LSAMP: variants seen among roughly 807,000 people sequenced by gnomAD.
The protein encoded by LSAMP is limbic system-associated membrane protein.
Under a neutral mutation model 38.6 loss-of-function variants are expected in LSAMP, and 7 were observed. That is an observed-to-expected ratio of 0.18 (90% confidence interval 0.10 to 0.34). LSAMP has a LOEUF of 0.34. Among genes scored for constraint, LSAMP ranks in the 10% least tolerant of loss-of-function variants. The pLI, the probability that LSAMP is intolerant of heterozygous loss-of-function variation, is 1.00. For synonymous variants in LSAMP, 154 were observed against 166.8 expected, an observed-to-expected ratio of 0.92 and a Z score of 0.59; for missense variants, 313 against 420.0, an observed-to-expected ratio of 0.75 and a Z score of 2.23.
chr3:116,344,252 G>C (rs1465000160), intron 1 of LSAMP, among the ~76,000 whole-genome samples: 1 of 152,042 alleles, frequency 6.6e-6, no homozygotes, highest in Non-Finnish European at 1.5e-5. Flanking sequence ...CACTGGTACA[G>C]ATAAGAGGCA....
intron 1 of LSAMP, among the ~76,000 whole-genome samples, chr3:116,213,518 T>C (rs2046186724): frequency 6.6e-6 from 1 of 152,226 alleles, no homozygotes; most frequent in Non-Finnish European, 1.5e-5. Flanking sequence ...TGGGTGTGTC[T>C]TTATCAGCAG....
At chr3:115,892,161 G>T (rs1487004926) in intron 3 of LSAMP, among the ~76,000 whole-genome samples, 2 of 151,892 alleles carry the variant, frequency 1.3e-5, no homozygotes, top group Non-Finnish European at 2.9e-5. Context: ...AAGCAAAATG[G>T]TTCAAACCCT....
chr3:115,918,701 G>T, intron 3 of LSAMP, among the ~76,000 whole-genome samples: 1 of 136,994 alleles, frequency 7.3e-6, no homozygotes, highest in Non-Finnish European at 1.6e-5. Flanking sequence ...AAATCTTAAA[G>T]AACAGGTTTT....
chr3:116,023,492 C>T (rs1940695534), intron 2 of LSAMP, among the ~76,000 whole-genome samples: 1 of 150,534 alleles, frequency 6.6e-6, no homozygotes, highest in South Asian at 2.1e-4. Context: ...GTAGTCCCAG[C>T]TACTCGGGAG....
At chr3:116,060,933 A>T (rs1941583672) in intron 2 of LSAMP, among the ~76,000 whole-genome samples, 1 of 151,666 alleles carries the variant, frequency 6.6e-6, no homozygotes. Context: ...AAAATAAAAT[A>T]AATATAAATA....
chr3:116,142,280 T>G (rs1044144457), intron 1 of LSAMP, among the ~76,000 whole-genome samples: 4 of 152,036 alleles, frequency 2.6e-5, no homozygotes, highest in African/African-American at 7.2e-5. Flanking sequence ...ATCATAAATT[T>G]ACATGGGATG....
intron 3 of LSAMP, among the ~76,000 whole-genome samples, chr3:115,895,569 G>A (rs1215670485): frequency 6.6e-6 from 1 of 152,072 alleles, no homozygotes; most frequent in African/African-American, 2.4e-5. Context: ...CCCCTTTGCT[G>A]GAAGTGCATC....
chr3:115,947,935 T>A (rs966956954), intron 3 of LSAMP, among the ~76,000 whole-genome samples: 2 of 152,182 alleles, frequency 1.3e-5, no homozygotes, highest in Non-Finnish European at 2.9e-5. Flanking sequence ...AGTCTCAGAA[T>A]TGCACACTTG....
intron 1 of LSAMP, among the ~76,000 whole-genome samples, chr3:116,357,606 TA>T (rs1328360434): frequency 2.0e-5 from 3 of 151,890 alleles, no homozygotes; most frequent in Non-Finnish European, 4.4e-5. Context: ...TTTAAGACAA[TA>T]AAAAAAGTTC....
intron 1 of LSAMP, among the ~76,000 whole-genome samples, chr3:116,401,255 C>A (rs13320911): frequency 0.062 from 9,427 of 152,196 alleles, 388 homozygotes; most frequent in African/African-American, 0.12. Flanking sequence ...GGAATGATTT[C>A]TTTACATCAT....
chr3:115,912,248 T>G (rs536501065), intron 3 of LSAMP, among the ~76,000 whole-genome samples: 2 of 152,314 alleles, frequency 1.3e-5, no homozygotes, highest in South Asian at 2.1e-4. Flanking sequence ...TCATGAAGAC[T>G]TTTTTCTAAA....
intron 1 of LSAMP, among the ~76,000 whole-genome samples, chr3:116,143,488 G>A (rs999657203): frequency 2.6e-5 from 4 of 151,742 alleles, no homozygotes; most frequent in Non-Finnish European, 5.9e-5. Context: ...TAACTCAAAG[G>A]GTAGATGTTT....
chr3:116,063,872 G>A (rs7630438), intron 2 of LSAMP, among the ~76,000 whole-genome samples: 36,005 of 151,982 alleles, frequency 0.24, 4,365 homozygotes, highest in Admixed American at 0.28. Flanking sequence ...ATTATGTTGC[G>A]TCTAAACCAG....
At chr3:116,286,044 T>C (rs773670553) in intron 1 of LSAMP, among the ~76,000 whole-genome samples, 221 of 152,306 alleles carry the variant, frequency 1.5e-3, no homozygotes, top group Non-Finnish European at 2.5e-3. Context: ...CCCAGAGGAC[T>C]TAACTGCAGA....
intron 1 of LSAMP, among the ~76,000 whole-genome samples, chr3:116,151,459 T>C (rs1421454385): frequency 6.6e-6 from 1 of 152,012 alleles, no homozygotes. Flanking sequence ...AGGGAGATTG[T>C]TGTGGTGAGT....
intron 1 of LSAMP, among the ~76,000 whole-genome samples, chr3:116,418,043 T>A (rs1388721470): frequency 6.6e-6 from 1 of 152,212 alleles, no homozygotes; most frequent in Non-Finnish European, 1.5e-5. Flanking sequence ...AGTTGTGCCA[T>A]TTTTAGAATA....
chr3:116,138,508 A>G (rs1709300306), intron 1 of LSAMP, among the ~76,000 whole-genome samples: 1 of 152,030 alleles, frequency 6.6e-6, no homozygotes, highest in Admixed American at 6.6e-5. Flanking sequence ...AAAAGATACA[A>G]CTTTTCAGCA....
At chr3:115,855,750 G>A (rs1400052936) in intron 3 of LSAMP, among the ~76,000 whole-genome samples, 1 of 152,078 alleles carries the variant, frequency 6.6e-6, no homozygotes, top group Admixed American at 6.6e-5. Flanking sequence ...GTTCTGACTG[G>A]CTGCTCTCAA....
intron 1 of LSAMP, among the ~76,000 whole-genome samples, chr3:116,300,982 A>ATTTT (rs2107705499): frequency 6.6e-6 from 1 of 152,010 alleles, no homozygotes; most frequent in South Asian, 2.1e-4. Flanking sequence ...AATAAATATT[A>ATTTT]TTTTTAATAC....
Sources: gnomAD v4.1 joint callset for allele counts (sites outside exome capture counted in the v4.1 genomes callset) on GRCh38, gnomAD v4.1.1 for gene constraint, MANE v1.5 for transcripts, NCBI Gene and HGNC (gene_info 2026-07-23, HGNC 2026-07-21) for gene names.